Variants in CREB3L2 observed in about 807,000 individuals in gnomAD.
The protein encoded by CREB3L2 is cAMP responsive element binding protein 3 like 2.
Under a neutral mutation model 57.2 loss-of-function variants are expected in CREB3L2, and 23 were observed. The observed-to-expected ratio is 0.40, with a 90% confidence interval of 0.29 to 0.57. The LOEUF (loss-of-function observed/expected upper bound fraction) is 0.57. Among genes scored for constraint, CREB3L2 ranks in the 20% least tolerant of loss-of-function variants. The pLI is 0.42. For missense variants in CREB3L2, 628 were observed against 634.7 expected (o/e 0.99, Z 0.11); for synonymous variants, 268 against 265.1 (o/e 1.01, Z -0.11).
rs1799170294 is a variant in CREB3L2 at position 137,877,024 on chromosome 7, G to A, written c.*3452C>T. 4.3e-6 allele frequency: 1 copy of A among 230,348 alleles called. No individual in the cohort carries two copies. The highest frequency in any genetic ancestry group is 6.2e-5 in the East Asian group (1 of 16,218). The allele number at this position is 230,348 out of a possible 1,614,324, so 14.3% of individuals were successfully genotyped here. ...CGCTTTTGCTGGGTCTGAGGACATG[G>A]GAGGGAGGAGCCATAAAATGCTGGA... is the stretch of plus-strand genomic sequence containing the variant. On this transcript the variant is annotated 3_prime_UTR_variant, in exon 12 of 12. Coordinates refer to ENST00000330387, the MANE Select transcript of CREB3L2 (RefSeq NM_194071.4).
intron 1 of CREB3L2, among the ~76,000 whole-genome samples, chr7:137,976,960 A>C (rs1234247987): frequency 6.6e-6 from 1 of 152,166 alleles, no homozygotes; most frequent in African/African-American, 2.4e-5. Flanking sequence ...ACACAACATC[A>C]ACCATCGACA....
At chr7:137,937,442 A>C (rs1800809794) in intron 1 of CREB3L2, among the ~76,000 whole-genome samples, 1 of 152,226 alleles carries the variant, frequency 6.6e-6, no homozygotes, top group South Asian at 2.1e-4. Flanking sequence ...ACCTGCCTTC[A>C]AAACCAGTGC....
intron 5 of CREB3L2, among the ~76,000 whole-genome samples, chr7:137,906,866 CCAT>C (rs1195271725): frequency 6.6e-6 from 1 of 152,222 alleles, no homozygotes; most frequent in Non-Finnish European, 1.5e-5. Context: ...TCGCCTTCCA[CCAT>C]GATTGTGAGG....
intron 1 of CREB3L2, among the ~76,000 whole-genome samples, chr7:137,977,120 CCT>C (rs1486177259): frequency 6.6e-6 from 1 of 152,230 alleles, no homozygotes; most frequent in East Asian, 1.9e-4. Context: ...TGCCCCTGCA[CCT>C]CCCACCATCC....
At chr7:137,934,788 G>T (rs1484133042) in intron 1 of CREB3L2, among the ~76,000 whole-genome samples, 1 of 152,194 alleles carries the variant, frequency 6.6e-6, no homozygotes, top group East Asian at 1.9e-4. Context: ...TCTGCCAAAG[G>T]ATTCAAGCAA....
At chr7:137,911,715 G>A (rs1410290179) in intron 4 of CREB3L2, among the ~76,000 whole-genome samples, 3 of 152,186 alleles carry the variant, frequency 2.0e-5, no homozygotes, top group African/African-American at 7.2e-5. Context: ...GTGCATGTCT[G>A]CAGTCCCCGC....
At chr7:137,889,369 G>A (rs1435300435) in intron 8 of CREB3L2, among the ~76,000 whole-genome samples, 1 of 152,198 alleles carries the variant, frequency 6.6e-6, no homozygotes, top group South Asian at 2.1e-4. Context: ...GAGAGGGCTG[G>A]TGTTTCCTGA....
intron 4 of CREB3L2, among the ~76,000 whole-genome samples, chr7:137,912,489 A>C (rs1800032206): frequency 6.6e-6 from 1 of 152,180 alleles, no homozygotes; most frequent in Non-Finnish European, 1.5e-5. Flanking sequence ...GACCAAATAG[A>C]GAGGGGGCTC....
chr7:137,881,963 G>A (rs1799302263), intron 11 of CREB3L2, among the ~76,000 whole-genome samples: 3 of 152,122 alleles, frequency 2.0e-5, no homozygotes, highest in African/African-American at 7.2e-5. Flanking sequence ...TAACACATGT[G>A]TATTTACATA....
chr7:137,960,291 T>C (rs1206679605), intron 1 of CREB3L2, among the ~76,000 whole-genome samples: 1 of 152,168 alleles, frequency 6.6e-6, no homozygotes, highest in Non-Finnish European at 1.5e-5. Context: ...TAACACTGCC[T>C]CTGAGGAGTA....
rs574401878 is a variant in CREB3L2 at position 137,955,499 on chromosome 7, T to C, written c.103-27133A>G. On this transcript the variant is annotated intron_variant, in intron 1 of 11. Transcript: ENST00000330387. ...AAATATGTGTGAGGGCACTTGGCATTTTCACTTCTAATTTGTGATTCAATT... is the reference window on the plus strand; with the variant it reads ...AAATATGTGTGAGGGCACTTGGCATCTTCACTTCTAATTTGTGATTCAATT... Among the ~76,000 whole-genome samples, 61 of 152,326 alleles carry C rather than the reference T, an allele frequency of 4.0e-4. 1 individual carries two copies. In the South Asian group the frequency reaches 0.012, roughly 30 times the overall value.
chr7:137,956,454 C>T (rs1801213170), intron 1 of CREB3L2: 1 of 404,722 alleles, frequency 2.5e-6, no homozygotes, highest in Admixed American at 3.2e-5. Context: ...TGCAAGTTTC[C>T]AGTAATAGAA....
chr7:137,954,230 A>G (rs951103966), intron 1 of CREB3L2, among the ~76,000 whole-genome samples: 1 of 152,224 alleles, frequency 6.6e-6, no homozygotes, highest in Non-Finnish European at 1.5e-5. Context: ...ACCGAGAACA[A>G]AAGTGTAGGA....
intron 1 of CREB3L2, among the ~76,000 whole-genome samples, chr7:137,990,390 C>T (rs1221340903): frequency 6.6e-6 from 1 of 152,222 alleles, no homozygotes; most frequent in East Asian, 1.9e-4. Flanking sequence ...TACAGAAATA[C>T]TTCAAACACA....
At chr7:137,917,093 A>C (rs1800154984) in intron 2 of CREB3L2, among the ~76,000 whole-genome samples, 1 of 152,136 alleles carries the variant, frequency 6.6e-6, no homozygotes, top group African/African-American at 2.4e-5. Context: ...CCTTTGCTGA[A>C]ATGGACAAAA....
chr7:137,977,430 G>T (rs1194840846), intron 1 of CREB3L2, among the ~76,000 whole-genome samples: 1 of 152,182 alleles, frequency 6.6e-6, no homozygotes, highest in African/African-American at 2.4e-5. Flanking sequence ...ACTTACAAGG[G>T]TTGGGAAAAA....
Position 137,991,078 on chromosome 7 carries a change from C to T in CREB3L2, c.102+10526G>A, listed in dbSNP as rs554363598. Among the ~76,000 whole-genome samples the T allele has an allele frequency of 2.0e-5, 3 of 152,242 alleles. No homozygotes were observed. The East Asian group carries it at 5.8e-4, about 29-fold the overall frequency. On this transcript the variant is annotated intron_variant, in intron 1 of 11. Transcript: ENST00000330387. ...ACTACAAAACGCAAAACTACACCTG[C>T]CAATTGAATTGCCCAAATGAAATAC...
chr7:137,925,105 G>A (rs1426825484), intron 2 of CREB3L2, among the ~76,000 whole-genome samples: 1 of 152,128 alleles, frequency 6.6e-6, no homozygotes, highest in Non-Finnish European at 1.5e-5. Context: ...TGGGGTTCAG[G>A]TGGAGGATGG....
In CREB3L2 at chr7:137,969,513, AT is replaced by A. The variant is rs907879401; in HGVS notation, c.102+32090del. On this transcript the variant is annotated intron_variant, in intron 1 of 11. Transcript: ENST00000330387. ...AGGCGCCCGCCATCACACCCGGCTA[AT>A]TTTTTTTTTGTATTTTTTAGTAGAG... is the stretch of plus-strand genomic sequence containing the variant. Among the ~76,000 whole-genome samples, 41 of 147,706 alleles carry A rather than the reference AT, an allele frequency of 2.8e-4. No individual in the cohort carries two copies. In the East Asian group the frequency reaches 5.1e-3, roughly 19 times the overall value.
Sources: allele counts gnomAD v4.1 joint callset (sites outside exome capture counted in the v4.1 genomes callset), GRCh38; gene constraint gnomAD v4.1.1; transcripts MANE v1.5; gene names NCBI Gene and HGNC (gene_info 2026-07-23, HGNC 2026-07-21).